The following PNKD variants were observed in gnomAD, a reference collection of about 807,000 sequenced individuals.
The protein encoded by PNKD is PNKD metallo-beta-lactamase domain containing.
PNKD carries 36 observed loss-of-function variants against 45.3 expected under a neutral mutation model. The ratio of observed to expected loss-of-function variants is 0.80; its 90% CI spans 0.61 to 1.05. The LOEUF is 1.05. PNKD is among the 50% of genes least tolerant of loss of function. The probability of loss-of-function intolerance (pLI) is 0.00; values close to 1 mark genes in which losing one functional copy is unlikely to be tolerated. For missense variants in PNKD, 511 were observed against 506.6 expected (o/e 1.01, Z -0.08); for synonymous variants, 197 against 210.1 (o/e 0.94, Z 0.54).
intron 2 of PNKD, among the ~76,000 whole-genome samples, chr2:218,284,773 T>A (rs372417475): frequency 1.3e-5 from 2 of 152,092 alleles, no homozygotes; most frequent in African/African-American, 4.8e-5. Context: ...CTCCACGGGG[T>A]TGCTATAAAA....
intron 2 of PNKD, among the ~76,000 whole-genome samples, chr2:218,297,097 T>G (rs2106249101): frequency 6.6e-6 from 1 of 152,330 alleles, no homozygotes; most frequent in South Asian, 2.1e-4. Context: ...CCCCTAGGCC[T>G]GGGCACGGCC....
At position 218,345,106 on chromosome 2, in the gene PNKD, C is replaced by G. The variant is rs1461495875; in HGVS notation, c.*125C>G. 1.2e-5 allele frequency: 9 copies of G among 731,958 alleles called. No individual in the cohort carries two copies. The highest frequency in any genetic ancestry group is 1.1e-4 in the South Asian group (6 of 55,202). The allele number at this position is 731,958 out of a possible 1,614,324, so 45.3% of individuals were successfully genotyped here. On this transcript the variant is annotated 3_prime_UTR_variant, in exon 10 of 10. Transcript: ENST00000273077. ...GGCACCCAAGCGGGCATCATCCCCC[C>G]ACACTGCTCAGGGGAGGGGAGGGAT...
At chr2:218,294,141 G>C (rs1018530430) in intron 2 of PNKD, among the ~76,000 whole-genome samples, 2 of 152,104 alleles carry the variant, frequency 1.3e-5, no homozygotes, top group African/African-American at 2.4e-5. Context: ...CCCACCCAAG[G>C]TGTGATCTCA....
chr2:218,277,653 G>C, intron 2 of PNKD: 1 of 1,614,182 alleles, frequency 6.2e-7, no homozygotes, highest in Non-Finnish European at 8.5e-7. Context: ...TGCCCGTCAT[G>C]AAGCCCATGG....
intron 2 of PNKD, chr2:218,278,228 A>T (rs1311356255): frequency 3.3e-6 from 2 of 604,432 alleles, no homozygotes; most frequent in Non-Finnish European, 5.8e-6. Context: ...TGCCTGTGTG[A>T]TGGGGAGAAA....
At chr2:218,282,512 T>C (rs1043534712) in intron 2 of PNKD, among the ~76,000 whole-genome samples, 4 of 152,270 alleles carry the variant, frequency 2.6e-5, no homozygotes. Context: ...ACCTTCCAGT[T>C]TTGGTGGCTT....
intron 2 of PNKD, among the ~76,000 whole-genome samples, chr2:218,333,756 C>A (rs534281219): frequency 6.6e-6 from 1 of 152,214 alleles, no homozygotes; most frequent in African/African-American, 2.4e-5. Context: ...GAATGGGACT[C>A]AGGCATCGGT....
chr2:218,275,227 A>T, intron 2 of PNKD: 1 of 397,634 alleles, frequency 2.5e-6, no homozygotes, highest in South Asian at 6.7e-5. Context: ...GGCGGGGAGA[A>T]GACACATCTT....
At position 218,343,609 on chromosome 2, in the gene PNKD, C is replaced by T. The variant is rs746260983; in HGVS notation, c.868+23C>T. ...CTGGTGAGACACCCCCTTACTACTCCCCATCCTCCAGCCCCACGCTCAGCC... is the reference window on the plus strand; with the variant it reads ...CTGGTGAGACACCCCCTTACTACTCTCCATCCTCCAGCCCCACGCTCAGCC... On this transcript the variant is annotated intron_variant, in intron 8 of 9. Coordinates refer to ENST00000273077, the MANE Select transcript of PNKD (RefSeq NM_015488.5). 1.5e-5 allele frequency: 23 copies of T among 1,568,294 alleles called. No individual in the cohort carries two copies. In the East Asian group the frequency reaches 5.3e-4, roughly 36 times the overall value.
At chr2:218,296,669 CTT>C (rs142901734) in intron 2 of PNKD, among the ~76,000 whole-genome samples, 1,775 of 151,938 alleles carry the variant, frequency 0.012, 36 homozygotes, top group African/African-American at 0.04. Context: ...TTCTGTTTTT[CTT>C]TTTCTTTCTT....
At position 218,340,682 on chromosome 2, in the gene PNKD, C is replaced by T. The variant is rs1694645088; in HGVS notation, c.466-46C>T. 6.8e-7 allele frequency: 1 copy of T among 1,460,324 alleles called. No homozygotes were observed. Among genetic ancestry groups the T allele is most frequent in the Non-Finnish European group, 9.6e-7 (1 of 1,039,734 alleles). The allele number at this position is 1,460,324 out of a possible 1,614,324, so 90.5% of individuals were successfully genotyped here. On this transcript the variant is annotated intron_variant, in intron 4 of 9. Coordinates refer to ENST00000273077, the MANE Select transcript of PNKD (RefSeq NM_015488.5). This position sits in a 1 kb window ranked among gnomAD's most constrained non-coding sequence, Gnocchi z 4.2. ...TCCTGGCTCTTGCTGCTTCAAGTGCCTCTTGCATCCTGCTCCCCAGTCTCC... is the reference window on the plus strand; with the variant it reads ...TCCTGGCTCTTGCTGCTTCAAGTGCTTCTTGCATCCTGCTCCCCAGTCTCC...
chr2:218,340,084 C>G lies in PNKD; in HGVS notation c.408C>G (p.Ile136Met), dbSNP rs763052723. The G allele has an allele frequency of 1.4e-5, 22 of 1,613,964 alleles. No homozygotes were observed. The South Asian group carries it at 2.3e-4, about 17-fold the overall frequency. The change falls in exon 4 of 10, where the codon ATC becomes ATG. Residue 136 changes from isoleucine (I) to methionine (M), a missense_variant. By Grantham distance (10) the Ile-to-Met change is conservative. Coordinates refer to ENST00000273077, the MANE Select transcript of PNKD (RefSeq NM_015488.5). The surrounding 1 kb of genome is among the most constrained non-coding windows in gnomAD (Gnocchi z 4.2). Reference protein sequence around the residue: ...VLSDNYSYLIIDTQAQLAVAV... With the variant: ...VLSDNYSYLIMDTQAQLAVAV... ...CGGACAACTACAGCTACCTCATCAT[C>G]GACACCCAGGCCCAGCTGGCTGTGG...
chr2:218,301,000 T>G (rs1693254962), intron 2 of PNKD, among the ~76,000 whole-genome samples: 2 of 152,220 alleles, frequency 1.3e-5, no homozygotes, highest in African/African-American at 4.8e-5. Context: ...ATGTACATAC[T>G]TGAGTGTTTT....
rs1215431620 is a variant in PNKD, at chr2:218,345,004, G to T, written c.*23G>T. The T allele has an allele frequency of 2.5e-6, 4 of 1,592,976 alleles. No homozygotes were observed. The highest frequency in any genetic ancestry group is 3.4e-6 in the Non-Finnish European group (4 of 1,167,196). On this transcript the variant is annotated 3_prime_UTR_variant, in exon 10 of 10. Transcript: ENST00000273077. ...TGATGCCCCCAGCGCCCCCAGCCCA[G>T]CCCACTCCCCGCATGGGGAGGCCGC...
chr2:218,303,926 C>T (rs1481971617), intron 2 of PNKD, among the ~76,000 whole-genome samples: 1 of 152,008 alleles, frequency 6.6e-6, no homozygotes, highest in Non-Finnish European at 1.5e-5. Flanking sequence ...CTCTCCACAT[C>T]CCCCTCCGTC....
rs74762472 is a variant in PNKD, at chr2:218,307,075, G to A, written c.237-32708G>A. On this transcript the variant is annotated intron_variant, in intron 2 of 9. Transcript: ENST00000273077. ...ATCATCTGGAAACACAGATGATGCC[G>A]TTGGCCAAGTTGGCAGACCTGAAGG... Among the ~76,000 whole-genome samples the A allele has an allele frequency of 4.0e-3, 606 of 152,236 alleles. 5 individuals carry two copies. The highest frequency in any genetic ancestry group is 0.012 in the African/African-American group (478 of 41,546).
At chr2:218,327,962 G>GAAAAAAAAAAAA (rs72151766) in intron 2 of PNKD, 1 of 122,482 alleles carries the variant, frequency 8.2e-6, no homozygotes, top group Admixed American at 8.5e-5. Context: ...AACTCCATCT[G>GAAAAAAAAAAAA]AAAAAAAAAA....
At chr2:218,320,175 A>G (rs1693948086) in intron 2 of PNKD, among the ~76,000 whole-genome samples, 1 of 152,268 alleles carries the variant, frequency 6.6e-6, no homozygotes, top group South Asian at 2.1e-4. Context: ...ACTATGCCAG[A>G]CACTGGAGAG....
At position 218,346,592 on chromosome 2, in the gene PNKD, C is replaced by T. The variant is rs139873157; in HGVS notation, c.*1611C>T. 3 of 154,154 alleles carry T rather than the reference C, an allele frequency of 1.9e-5. No individual in the cohort carries two copies. Among genetic ancestry groups the T allele is most frequent in the African/African-American group, 7.2e-5 (3 of 41,590 alleles). 9.5% of individuals were successfully genotyped at this position (154,154 alleles called of 1,614,324 possible). ...CCTGTGCCCCTCCCCTCCAGGCTAC[C>T]TCTGCACTTTGTCAATGCTTCTCTT... On this transcript the variant is annotated 3_prime_UTR_variant, in exon 10 of 10. Coordinates refer to ENST00000273077, the MANE Select transcript of PNKD (RefSeq NM_015488.5).
Sources: gnomAD v4.1 joint callset for allele counts (sites outside exome capture counted in the v4.1 genomes callset) on GRCh38, gnomAD v4.1.1 for gene constraint, Gnocchi (gnomAD v3.1) non-coding constraint, MANE v1.5 for transcripts, NCBI Gene and HGNC (gene_info 2026-07-23, HGNC 2026-07-21) for gene names.